Variants in INTS12 observed in about 807,000 individuals in gnomAD.
The protein encoded by INTS12 is integrator complex subunit 12, also known as PHD finger protein 22.
In INTS12, 13 loss-of-function variants were observed where a neutral mutation model predicts 41.6. The observed-to-expected ratio is 0.31, with a 90% CI of 0.20 to 0.50. The LOEUF (loss-of-function observed/expected upper bound fraction) is 0.50, where lower values mean the gene tolerates loss of function less well. Among genes scored for constraint, INTS12 ranks in the 20% least tolerant of loss-of-function variants. The pLI is 0.98. For synonymous variants in INTS12, 199 were observed against 191.4 expected (o/e 1.04, Z -0.33); for missense variants, 432 against 541.6 (o/e 0.80, Z 2.01).
intron 2 of INTS12, among the ~76,000 whole-genome samples, chr4:105,702,273 C>A (rs567557715): frequency 6.6e-6 from 1 of 151,182 alleles, no homozygotes; most frequent in East Asian, 2.0e-4. Context: ...GTAGCTGGGA[C>A]TACAGGCGCC....
rs1186784845 is a variant in INTS12 at position 105,687,003 on chromosome 4, T to C, written c.658-165A>G. On this transcript the variant is annotated intron_variant, in intron 6 of 7. Coordinates refer to ENST00000340139, the MANE Select transcript of INTS12 (RefSeq NM_020395.4). Reference sequence around the variant, plus strand: ...TGCTCTTTGACAAATTATTATCATATTAATGGTCTTACAGATTGTATTAGT... The same window carrying C: ...TGCTCTTTGACAAATTATTATCATACTAATGGTCTTACAGATTGTATTAGT... 3 of 624,974 alleles carry C rather than the reference T, an allele frequency of 4.8e-6. No homozygotes were observed. The East Asian group carries it at 8.4e-5, about 17-fold the overall frequency. The allele number at this position is 624,974 out of a possible 1,614,324, so 38.7% of individuals were successfully genotyped here.
chr4:105,690,052 A>T lies in INTS12; in HGVS notation c.657+1924T>A, dbSNP rs188422232. The stretch of plus-strand genomic sequence containing the variant: ...AAATTAGATATTATTTGCAAAGCAG[A>T]TAAAAGAATAAACAGTATCCCAGAT... On this transcript the variant is annotated intron_variant, in intron 6 of 7. Coordinates refer to ENST00000340139, the MANE Select transcript of INTS12 (RefSeq NM_020395.4). 4.2e-3 allele frequency among the ~76,000 whole-genome samples: 645 copies of T among 152,380 alleles called. 7 individuals carry two copies. Among genetic ancestry groups the T allele is most frequent in the African/African-American group, 0.015 (607 of 41,596 alleles).
chr4:105,707,243 C>G (rs1358751274), intron 1 of INTS12, among the ~76,000 whole-genome samples: 1 of 152,038 alleles, frequency 6.6e-6, no homozygotes, highest in African/African-American at 2.4e-5. Flanking sequence ...ATTCCAAACC[C>G]TATTAATAGT....
chr4:105,708,602 A>AG lies in INTS12; in HGVS notation c.-172+35dup, dbSNP rs1368297163. 3 of 985,006 alleles carry AG rather than the reference A, an allele frequency of 3.0e-6. No homozygotes were observed. In the African/African-American group the frequency reaches 5.3e-5, roughly 17 times the overall value. 61.0% of individuals were successfully genotyped at this position (985,006 alleles called of 1,614,324 possible). A position where few individuals can be genotyped will look rare whatever the true frequency, so the allele number is the denominator to read the frequency against. ...CCTGGCGCGGGGGTCTCGAGCCTCC[A>AG]GGAGGCCAGGAGCAGAGTCGCTCAG... On this transcript the variant is annotated intron_variant, in intron 1 of 7. Coordinates refer to ENST00000340139, the MANE Select transcript of INTS12 (RefSeq NM_020395.4).
At chr4:105,687,061 A>G in intron 6 of INTS12, 1 of 523,774 alleles carries the variant, frequency 1.9e-6, no homozygotes, top group Non-Finnish European at 3.3e-6. Context: ...TAAGCTTTAG[A>G]AATAATACAG....
At chr4:105,704,737 T>G (rs1187249282) in intron 1 of INTS12, among the ~76,000 whole-genome samples, 1 of 152,170 alleles carries the variant, frequency 6.6e-6, no homozygotes, top group East Asian at 1.9e-4. Flanking sequence ...TAGTAATCCC[T>G]TTTTCAAATG....
Position 105,708,658 on chromosome 4 carries a change from A to ATCCG in INTS12, c.-196_-193dup, listed in dbSNP as rs1732397555. 1 of 953,980 alleles carries ATCCG rather than the reference A, an allele frequency of 1.0e-6. No individual in the cohort carries two copies. Among genetic ancestry groups the ATCCG allele is most frequent in the South Asian group, 4.8e-5 (1 of 20,670 alleles). The allele number at this position is 953,980 out of a possible 1,614,324, so 59.1% of individuals were successfully genotyped here. Reference sequence around the variant, plus strand: ...CTCACCGTTCCGCCCCGCCCTGCCGATCCGTCTGTTCCCGGTGGTCCCTTC... The same window carrying ATCCG: ...CTCACCGTTCCGCCCCGCCCTGCCGATCCGTCCGTCTGTTCCCGGTGGTCCCTTC... On this transcript the variant is annotated 5_prime_UTR_variant, in exon 1 of 8. Coordinates refer to ENST00000340139, the MANE Select transcript of INTS12 (RefSeq NM_020395.4).
chr4:105,688,940 TC>T (rs1731584616), intron 6 of INTS12, among the ~76,000 whole-genome samples: 1 of 152,238 alleles, frequency 6.6e-6, no homozygotes, highest in African/African-American at 2.4e-5. Flanking sequence ...TCAGTTTTGT[TC>T]AACAAAGGTA....
Position 105,698,696 on chromosome 4 carries a change from A to G in INTS12, c.156+1154T>C, listed in dbSNP as rs549727249. On this transcript the variant is annotated intron_variant, in intron 3 of 7. Transcript: ENST00000340139. ...TGAACCTACTGCAATGAGAATGGATAGAAGAAATGAAGTCACAATGGTTCT... is the reference window on the plus strand; with the variant it reads ...TGAACCTACTGCAATGAGAATGGATGGAAGAAATGAAGTCACAATGGTTCT... Among the ~76,000 whole-genome samples, 4 of 152,352 alleles carry G rather than the reference A, an allele frequency of 2.6e-5. No homozygotes were observed. In the South Asian group the frequency reaches 6.2e-4, roughly 24 times the overall value.
At chr4:105,700,772 G>A (rs962017613) in intron 2 of INTS12, among the ~76,000 whole-genome samples, 2 of 147,896 alleles carry the variant, frequency 1.4e-5, no homozygotes, top group Non-Finnish European at 3.0e-5. Context: ...GTGTCCTAAA[G>A]AGCTTAAAAA....
chr4:105,693,519 T>A (rs1421870978), intron 4 of INTS12, 33 bp from the exon 5 acceptor site: 1 of 1,568,808 alleles, frequency 6.4e-7, no homozygotes, highest in Non-Finnish European at 8.7e-7. Flanking sequence ...AATGATAAAG[T>A]AATGTGGTAG....
At chr4:105,683,453 C>A (rs1192026985) in intron 7 of INTS12, 136 bp from the exon 8 acceptor site, 8 of 686,654 alleles carry the variant, frequency 1.2e-5, no homozygotes, top group Non-Finnish European at 1.9e-5. Flanking sequence ...AAAAACCACA[C>A]AGAACAAAAC....
chr4:105,698,897 G>A (rs951988213), intron 3 of INTS12, among the ~76,000 whole-genome samples: 3 of 152,128 alleles, frequency 2.0e-5, no homozygotes, highest in Non-Finnish European at 4.4e-5. Context: ...TCTCAGTTTG[G>A]GATCTAAGTC....
At chr4:105,685,849 G>C (rs1731481268) in intron 7 of INTS12, among the ~76,000 whole-genome samples, 2 of 152,042 alleles carry the variant, frequency 1.3e-5, no homozygotes, top group Admixed American at 6.6e-5. Flanking sequence ...GAATGAGAAA[G>C]GTGATACCCT....
At chr4:105,687,004 T>C in intron 6 of INTS12, 166 bp from the exon 7 acceptor site, 1 of 625,030 alleles carries the variant, frequency 1.6e-6, no homozygotes, top group Middle Eastern at 4.3e-4. Flanking sequence ...ATTATCATAT[T>C]AATGGTCTTA....
chr4:105,697,865 C>T (rs1731923972), intron 3 of INTS12, among the ~76,000 whole-genome samples: 1 of 152,060 alleles, frequency 6.6e-6, no homozygotes, highest in African/African-American at 2.4e-5. Flanking sequence ...ACCTGGGCAA[C>T]ATGGCAAAAT....
chr4:105,686,805 CTGGT>C lies in INTS12; in HGVS notation c.687_690del (p.Ala231LeufsTer6). On this transcript the variant is annotated frameshift_variant, in exon 7 of 8. Transcript: ENST00000340139. LOFTEE classifies it high-confidence loss of function. ...GGAGTTACAGAAACAACTGCAGGGGCTGGTTTCTGCGGTGGTTTCTGAGTTTTTT... is the reference window on the plus strand; with the variant it reads ...GGAGTTACAGAAACAACTGCAGGGGCTTCTGCGGTGGTTTCTGAGTTTTTT... 6.2e-7 allele frequency: 1 copy of C among 1,613,834 alleles called. No individual in the cohort carries two copies. Among genetic ancestry groups the C allele is most frequent in the Non-Finnish European group, 8.5e-7 (1 of 1,179,932 alleles).
Position 105,683,159 on chromosome 4 carries a change from A to T in INTS12, c.963T>A (p.Pro321=). 3.7e-6 allele frequency: 6 copies of T among 1,614,126 alleles called. No individual in the cohort carries two copies. Among genetic ancestry groups the T allele is most frequent in the Non-Finnish European group, 5.1e-6 (6 of 1,179,966 alleles). ...GTTTCTGGTTAGCTGACGAAGTAGC[A>T]GGTTTCCCAGTATTGTTTTGTGTTG... The part of the protein sequence containing the change: ...SSTTQNNTGK[P]ATSSANQKPV... Residue 321 remains proline (P), a synonymous_variant, in exon 8 of 8, where the codon CCT becomes CCA. Transcript: ENST00000340139.
chr4:105,687,987 A>C (rs1731554548), intron 6 of INTS12, among the ~76,000 whole-genome samples: 2 of 151,978 alleles, frequency 1.3e-5, no homozygotes, highest in Admixed American at 1.3e-4. Context: ...AACAGCAACT[A>C]TTTTTCTAGA....
Sources: allele counts gnomAD v4.1 joint callset (sites outside exome capture counted in the v4.1 genomes callset), GRCh38; gene constraint gnomAD v4.1.1; transcripts MANE v1.5; gene names NCBI Gene and HGNC (gene_info 2026-07-23, HGNC 2026-07-21).